The following SH3GL3 variants were observed in gnomAD, a reference collection of about 807,000 sequenced individuals.
SH3GL3 encodes SH3 domain containing GRB2 like 3, endophilin A3.
In SH3GL3, 33 loss-of-function variants were observed where a neutral mutation model predicts 47.7. The observed-to-expected ratio is 0.69, with a 90% confidence interval of 0.52 to 0.92. SH3GL3 has a LOEUF of 0.92. SH3GL3 is among the 40% of genes least tolerant of loss of function. The pLI, the probability that SH3GL3 is intolerant of heterozygous loss-of-function variation, is 0.00. For missense variants in SH3GL3, 363 were observed against 417.8 expected (o/e 0.87, Z 1.14); for synonymous variants, 155 against 148.8 (o/e 1.04, Z -0.30).
At chr15:83,584,441 A>T (rs1388807971) in intron 6 of SH3GL3, among the ~76,000 whole-genome samples, 1 of 152,212 alleles carries the variant, frequency 6.6e-6, no homozygotes, top group African/African-American at 2.4e-5. Flanking sequence ...ATATTTGGAC[A>T]TCTTTGCAGG....
At chr15:83,477,891 G>A (rs1263738448) in intron 1 of SH3GL3, among the ~76,000 whole-genome samples, 1 of 152,086 alleles carries the variant, frequency 6.6e-6, no homozygotes, top group Non-Finnish European at 1.5e-5. Context: ...AATATTACTG[G>A]ATTTATTTGA....
chr15:83,546,186 G>A (rs1192037708), intron 1 of SH3GL3, among the ~76,000 whole-genome samples: 2 of 151,504 alleles, frequency 1.3e-5, no homozygotes, highest in Non-Finnish European at 2.9e-5. Flanking sequence ...TGGAACTGGG[G>A]GCTGCAGGAG....
chr15:83,625,578 G>A, the SH3GL3 span, among the ~76,000 whole-genome samples: 5 of 152,120 alleles, frequency 3.3e-5, no homozygotes, highest in African/African-American at 1.2e-4. Flanking sequence ...ATCATTCCAA[G>A]TTTGATTCCA....
At chr15:83,573,625 GA>G (rs749206246) in intron 5 of SH3GL3, among the ~76,000 whole-genome samples, 154 of 152,236 alleles carry the variant, frequency 1.0e-3, no homozygotes, top group Non-Finnish European at 1.7e-3. Flanking sequence ...TAGCCTATGT[GA>G]CAGAGATGAG....
intron 1 of SH3GL3, among the ~76,000 whole-genome samples, chr15:83,490,461 A>T (rs763834706): frequency 1.3e-5 from 2 of 152,054 alleles, no homozygotes; most frequent in Non-Finnish European, 2.9e-5. Context: ...TTTTTCTGGT[A>T]AATGTCATGG....
At chr15:83,587,718 G>A (rs187155346) in intron 7 of SH3GL3, among the ~76,000 whole-genome samples, 2 of 152,190 alleles carry the variant, frequency 1.3e-5, no homozygotes, top group East Asian at 3.9e-4. Context: ...TGCATTCCTT[G>A]TGAATTTAAT....
intron 1 of SH3GL3, among the ~76,000 whole-genome samples, chr15:83,544,839 A>G (rs145821958): frequency 1.1e-3 from 161 of 152,268 alleles, no homozygotes; most frequent in South Asian, 1.7e-3. Context: ...TAAATGTATC[A>G]TGCCACTTTC....
intron 1 of SH3GL3, among the ~76,000 whole-genome samples, chr15:83,523,272 T>C (rs1230998327): frequency 2.0e-5 from 3 of 152,210 alleles, no homozygotes; most frequent in African/African-American, 7.2e-5. Flanking sequence ...TTTTAGCCCT[T>C]TAACCTTGAG....
At chr15:83,531,858 ATGAG>A (rs1028578110) in intron 1 of SH3GL3, among the ~76,000 whole-genome samples, 15 of 150,894 alleles carry the variant, frequency 9.9e-5, no homozygotes, top group African/African-American at 3.4e-4. Flanking sequence ...GAGAGACAGA[ATGAG>A]AGAGAGAGAG....
At chr15:83,615,031 G>A (rs1179632997) in intron 8 of SH3GL3, among the ~76,000 whole-genome samples, 1 of 151,754 alleles carries the variant, frequency 6.6e-6, no homozygotes, top group Non-Finnish European at 1.5e-5. Context: ...AGTCTAGAGG[G>A]AGGAAAAAGT....
chr15:83,577,774 C>T (rs889031852), intron 6 of SH3GL3, among the ~76,000 whole-genome samples: 1 of 152,174 alleles, frequency 6.6e-6, no homozygotes, highest in African/African-American at 2.4e-5. Flanking sequence ...GCTAAGTAGA[C>T]TGGCTTTTGT....
At chr15:83,602,031 C>G (rs2732161) in intron 8 of SH3GL3, among the ~76,000 whole-genome samples, 22,036 of 151,656 alleles carry the variant, frequency 0.15, 1,928 homozygotes, top group Admixed American at 0.26. Flanking sequence ...GGAGAATATT[C>G]CAAGAAGATA....
At chr15:83,511,778 C>T (rs769239554) in intron 1 of SH3GL3, among the ~76,000 whole-genome samples, 1 of 152,142 alleles carries the variant, frequency 6.6e-6, no homozygotes, top group Non-Finnish European at 1.5e-5. Flanking sequence ...TCACCCAGTA[C>T]ATCTTGGCTC....
At chr15:83,502,196 C>A (rs750020196) in intron 1 of SH3GL3, among the ~76,000 whole-genome samples, 5 of 152,256 alleles carry the variant, frequency 3.3e-5, no homozygotes, top group Non-Finnish European at 5.9e-5. Flanking sequence ...ATGACCTTCA[C>A]CTGGGTGGGA....
intron 3 of SH3GL3, among the ~76,000 whole-genome samples, chr15:83,567,109 C>G (rs910201721): frequency 2.6e-5 from 4 of 152,118 alleles, no homozygotes; most frequent in Non-Finnish European, 5.9e-5. Context: ...AATCTCAAAT[C>G]CTTAGCTTGG....
intron 1 of SH3GL3, among the ~76,000 whole-genome samples, chr15:83,500,086 T>A (rs760936860): frequency 4.6e-5 from 7 of 152,134 alleles, no homozygotes; most frequent in Non-Finnish European, 1.0e-4. Flanking sequence ...AAATGCCAGC[T>A]CAGATGGAAT....
intron 1 of SH3GL3, among the ~76,000 whole-genome samples, chr15:83,460,068 C>CCCTTCCTTCCTTCCTT (rs1167747866): frequency 1.5e-4 from 7 of 46,652 alleles, no homozygotes; most frequent in East Asian, 9.3e-4. Context: ...CTCCCTCCCT[C>CCCTTCCTTCCTTCCTT]CCTTCCTTCC....
intron 4 of SH3GL3, 135 bp downstream of exon 4, chr15:83,568,807 GT>G: frequency 1.7e-6 from 1 of 598,386 alleles, no homozygotes; most frequent in Non-Finnish European, 2.9e-6. Flanking sequence ...ATTGCAGGAG[GT>G]TTAGAAAACA....
intron 3 of SH3GL3, among the ~76,000 whole-genome samples, chr15:83,566,346 CAGAGAG>C (rs147698292): frequency 2.2e-5 from 3 of 134,294 alleles, no homozygotes; most frequent in East Asian, 2.1e-4. Context: ...GAAAGATGGG[CAGAGAG>C]AGAGAGAGAG....
Sources: allele counts gnomAD v4.1 joint callset (sites outside exome capture counted in the v4.1 genomes callset), GRCh38; gene constraint gnomAD v4.1.1; transcripts MANE v1.5; gene names NCBI Gene and HGNC (gene_info 2026-07-23, HGNC 2026-07-21).